The following ARHGAP32 variants were observed in gnomAD, a reference collection of about 807,000 sequenced individuals.
ARHGAP32 encodes rho GTPase-activating protein 32.
In ARHGAP32, 51 loss-of-function variants were observed where a neutral mutation model predicts 186.5. The observed-to-expected ratio is 0.27, with a 90% CI of 0.22 to 0.35. ARHGAP32 has a LOEUF of 0.35. Ranked by LOEUF, ARHGAP32 falls within the 10% of genes least tolerant of loss-of-function variation. ARHGAP32 has a pLI of 1.00. For missense variants in ARHGAP32, 2,186 were observed against 2,623.5 expected (o/e 0.83, Z 3.64); for synonymous variants, 950 against 964.3 (o/e 0.99, Z 0.27).
chr11:129,088,226 T>C (rs374048087), intron 6 of ARHGAP32, among the ~76,000 whole-genome samples: 4 of 152,324 alleles, frequency 2.6e-5, no homozygotes, highest in African/African-American at 7.2e-5. Flanking sequence ...AGTAAATACT[T>C]TGTATTTTCA....
At chr11:129,198,984 G>C (rs1386790085) in intron 1 of ARHGAP32, among the ~76,000 whole-genome samples, 2 of 152,208 alleles carry the variant, frequency 1.3e-5, no homozygotes, top group Admixed American at 6.5e-5. Flanking sequence ...TTGGGAACCA[G>C]AGTAAAGGTG....
chr11:129,245,594 T>A (rs1463681387), intron 1 of ARHGAP32, among the ~76,000 whole-genome samples: 14 of 148,576 alleles, frequency 9.4e-5, no homozygotes, highest in African/African-American at 3.5e-4. Context: ...AAACTTAAAG[T>A]ATAATAAAAA....
chr11:129,014,830 A>C (rs535495860), intron 11 of ARHGAP32, among the ~76,000 whole-genome samples: 2 of 152,354 alleles, frequency 1.3e-5, no homozygotes, highest in African/African-American at 4.8e-5. Flanking sequence ...AAATACAGGC[A>C]ACTGGATTAC....
At chr11:128,975,856 C>G (rs1054415135) in intron 20 of ARHGAP32, among the ~76,000 whole-genome samples, 1 of 152,080 alleles carries the variant, frequency 6.6e-6, no homozygotes, top group Non-Finnish European at 1.5e-5. Flanking sequence ...CGAGACTAGC[C>G]TGGCCTAAGT....
chr11:129,130,980 T>C (rs1317608652), intron 2 of ARHGAP32, among the ~76,000 whole-genome samples: 1 of 152,116 alleles, frequency 6.6e-6, no homozygotes, highest in Non-Finnish European at 1.5e-5. Flanking sequence ...GGCATACATA[T>C]ATATGCAATG....
At chr11:129,181,281 A>G (rs1944048958) in intron 1 of ARHGAP32, among the ~76,000 whole-genome samples, 2 of 152,140 alleles carry the variant, frequency 1.3e-5, no homozygotes, top group Non-Finnish European at 2.9e-5. Context: ...TCTACTCTCT[A>G]TTAGCAACAG....
At chr11:129,092,903 G>C (rs577378348) in intron 6 of ARHGAP32, among the ~76,000 whole-genome samples, 1 of 151,960 alleles carries the variant, frequency 6.6e-6, no homozygotes, top group Non-Finnish European at 1.5e-5. Context: ...TTCACCAGTA[G>C]GCAAAAAGCT....
chr11:129,202,761 A>G (rs1025294708), intron 1 of ARHGAP32, among the ~76,000 whole-genome samples: 1 of 152,202 alleles, frequency 6.6e-6, no homozygotes, highest in Non-Finnish European at 1.5e-5. Context: ...CACCAACCCA[A>G]TATTTACTGT....
At position 128,973,452 on chromosome 11, in the gene ARHGAP32, A is replaced by C; in HGVS notation, c.3074-20T>G. The C allele has an allele frequency of 6.2e-7, 1 of 1,609,066 alleles. No individual in the cohort carries two copies. Among genetic ancestry groups the C allele is most frequent in the Non-Finnish European group, 8.5e-7 (1 of 1,176,794 alleles). ...CTGCTCCTAGTGGGAAATTGGGAAA[A>C]AAAATGAGAGTGAAAAGGTAGCTTA... is the stretch of plus-strand genomic sequence containing the variant. On this transcript the variant is annotated intron_variant, in intron 21 of 22. Transcript: ENST00000682385.
intron 6 of ARHGAP32, among the ~76,000 whole-genome samples, chr11:129,086,514 A>C: frequency 6.6e-6 from 1 of 152,332 alleles, no homozygotes; most frequent in Admixed American, 6.5e-5. Flanking sequence ...AAATCGACAG[A>C]AAATATTTGC....
At position 129,066,078 on chromosome 11, in the gene ARHGAP32, A is replaced by T. The variant is rs1940678623; in HGVS notation, c.669+653T>A. Reference sequence around the variant, plus strand: ...TGACAGCTTCACTTTCTCTCAGAGGATAGTAATCATCCTTCGAAAAGCCTT... The same window carrying T: ...TGACAGCTTCACTTTCTCTCAGAGGTTAGTAATCATCCTTCGAAAAGCCTT... On this transcript the variant is annotated intron_variant, in intron 7 of 22. Coordinates refer to ENST00000682385, the MANE Select transcript of ARHGAP32 (RefSeq NM_001378024.1). Among the ~76,000 whole-genome samples the T allele has an allele frequency of 2.0e-5, 3 of 152,124 alleles. No individual in the cohort carries two copies. The South Asian group carries it at 6.2e-4, about 32-fold the overall frequency.
At chr11:129,055,695 T>C (rs1288665317) in intron 10 of ARHGAP32, among the ~76,000 whole-genome samples, 1 of 152,116 alleles carries the variant, frequency 6.6e-6, no homozygotes, top group Non-Finnish European at 1.5e-5. Flanking sequence ...CCACATACTA[T>C]ACGATTCCAA....
At chr11:129,231,765 C>T (rs1057441680) in intron 1 of ARHGAP32, among the ~76,000 whole-genome samples, 14 of 152,002 alleles carry the variant, frequency 9.2e-5, no homozygotes, top group African/African-American at 3.4e-4. Context: ...CCTCTCATGC[C>T]GGTAATCCTA....
At chr11:129,061,877 AAAGT>A (rs1461275133) in intron 10 of ARHGAP32, among the ~76,000 whole-genome samples, 3 of 152,350 alleles carry the variant, frequency 2.0e-5, no homozygotes, top group African/African-American at 4.8e-5. Flanking sequence ...TCTGTAATTA[AAAGT>A]AAGTTTACAT....
At chr11:129,016,368 T>G (rs1269607097) in intron 11 of ARHGAP32, among the ~76,000 whole-genome samples, 2 of 152,212 alleles carry the variant, frequency 1.3e-5, no homozygotes, top group African/African-American at 4.8e-5. Flanking sequence ...CATTCTGTAC[T>G]TCAAGAGATT....
At chr11:129,070,491 C>T (rs1940834308) in intron 6 of ARHGAP32, among the ~76,000 whole-genome samples, 1 of 151,966 alleles carries the variant, frequency 6.6e-6, no homozygotes, top group Non-Finnish European at 1.5e-5. Flanking sequence ...GGTGTTTAAA[C>T]TTCCAAACTG....
At chr11:129,054,065 TAA>T (rs35753511) in intron 10 of ARHGAP32, among the ~76,000 whole-genome samples, 4 of 147,206 alleles carry the variant, frequency 2.7e-5, no homozygotes, top group African/African-American at 4.9e-5. Context: ...ACTCTTGAGG[TAA>T]AAAAAAAAAA....
chr11:129,087,121 G>A (rs544121173), intron 6 of ARHGAP32, among the ~76,000 whole-genome samples: 17 of 152,260 alleles, frequency 1.1e-4, no homozygotes, highest in African/African-American at 3.9e-4. Context: ...AGAGCAACAG[G>A]AACTGTCATT....
chr11:129,207,222 C>T (rs139901082), intron 1 of ARHGAP32, among the ~76,000 whole-genome samples: 42 of 151,890 alleles, frequency 2.8e-4, no homozygotes, highest in Middle Eastern at 3.4e-3. Context: ...CATACGTGTG[C>T]GTGTGATTTA....
Sources: gnomAD v4.1 joint callset for allele counts (sites outside exome capture counted in the v4.1 genomes callset) on GRCh38, gnomAD v4.1.1 for gene constraint, MANE v1.5 for transcripts, NCBI Gene and HGNC (gene_info 2026-07-23, HGNC 2026-07-21) for gene names.